Variants in EPB41L4A observed in about 807,000 individuals in gnomAD.
The protein encoded by EPB41L4A is band 4.1-like protein 4A.
A neutral mutation model predicts 108.6 loss-of-function variants in EPB41L4A; 100 were observed. The observed-to-expected ratio is 0.92, with a 90% CI of 0.78 to 1.09. The LOEUF (loss-of-function observed/expected upper bound fraction) is 1.09. Ranked by LOEUF, EPB41L4A falls within the 50% of genes least tolerant of loss-of-function variation. The probability of loss-of-function intolerance (pLI) is 0.00; values close to 1 mark genes in which losing one functional copy is unlikely to be tolerated. For synonymous variants in EPB41L4A, 319 were observed against 289.0 expected, an observed-to-expected ratio of 1.10 and a Z score of -1.05; for missense variants, 1,030 against 842.7, an observed-to-expected ratio of 1.22 and a Z score of -2.75.
chr5:112,230,549 G>A (rs184039378), intron 12 of EPB41L4A, among the ~76,000 whole-genome samples: 6 of 152,092 alleles, frequency 3.9e-5, no homozygotes, highest in Admixed American at 2.6e-4. Flanking sequence ...CTGTCTATTC[G>A]TGTCCTTTGC....
chr5:112,215,553 G>C (rs939789089), intron 12 of EPB41L4A, among the ~76,000 whole-genome samples: 2 of 152,070 alleles, frequency 1.3e-5, no homozygotes, highest in Non-Finnish European at 2.9e-5. Flanking sequence ...ATGAGGTCAG[G>C]AGATCGAGAC....
downstream of EPB41L4A, chr5:112,161,352 T>C: frequency 2.5e-6 from 1 of 403,242 alleles, no homozygotes; most frequent in East Asian, 6.0e-5. Flanking sequence ...CGCATTTCAC[T>C]TTTCATTATT....
intron 12 of EPB41L4A, 37 bp from the exon 13 acceptor site, chr5:112,210,019 G>T: frequency 8.1e-7 from 1 of 1,230,798 alleles, no homozygotes; most frequent in Non-Finnish European, 1.2e-6. Flanking sequence ...GAAGAGAGAG[G>T]AAACAGTGAT....
intron 1 of EPB41L4A, among the ~76,000 whole-genome samples, chr5:112,390,755 C>G (rs1352370731): frequency 6.6e-6 from 1 of 152,206 alleles, no homozygotes; most frequent in African/African-American, 2.4e-5. Context: ...CAAGTGGATC[C>G]CTGACCCCCA....
intron 1 of EPB41L4A, among the ~76,000 whole-genome samples, chr5:112,385,026 G>A (rs768652771): frequency 6.6e-6 from 1 of 152,160 alleles, no homozygotes; most frequent in Non-Finnish European, 1.5e-5. Flanking sequence ...AAGTAGCCCG[G>A]GTGACCCTTG....
At chr5:112,158,416 C>A (rs764376042), downstream of EPB41L4A, 1 of 436,058 alleles carries the variant, frequency 2.3e-6, no homozygotes, top group Non-Finnish European at 4.6e-6. Context: ...AATGAGGAAA[C>A]TCAGGCTCAC....
intron 4 of EPB41L4A, among the ~76,000 whole-genome samples, chr5:112,274,202 C>G (rs1189737580): frequency 6.6e-6 from 1 of 152,032 alleles, no homozygotes; most frequent in African/African-American, 2.4e-5. Flanking sequence ...ATTCTGTGAA[C>G]CCAGGAGTTT....
chr5:112,392,476 A>G (rs992579034), intron 1 of EPB41L4A, among the ~76,000 whole-genome samples: 8 of 151,762 alleles, frequency 5.3e-5, no homozygotes, highest in African/African-American at 1.9e-4. Context: ...ACCAACAAAG[A>G]TCAAAAGAAA....
intron 1 of EPB41L4A, among the ~76,000 whole-genome samples, chr5:112,401,191 T>A (rs1290002816): frequency 6.6e-6 from 1 of 152,112 alleles, no homozygotes; most frequent in Non-Finnish European, 1.5e-5. Context: ...AGAACCTGAG[T>A]AATAAAAAGT....
intron 18 of EPB41L4A, among the ~76,000 whole-genome samples, chr5:112,177,890 T>C (rs1358303599): frequency 1.3e-5 from 2 of 150,952 alleles, no homozygotes; most frequent in Admixed American, 6.6e-5. Flanking sequence ...CAAAATAAAG[T>C]AGGAAGGGAG....
intron 12 of EPB41L4A, among the ~76,000 whole-genome samples, chr5:112,149,603 G>A (rs913471725): frequency 6.6e-6 from 1 of 152,186 alleles, no homozygotes; most frequent in African/African-American, 2.4e-5. Context: ...TCTTAAACTG[G>A]ATAGTTTTTC....
chr5:112,232,113 CAA>C (rs1177398319), intron 12 of EPB41L4A, among the ~76,000 whole-genome samples: 5 of 87,948 alleles, frequency 5.7e-5, no homozygotes, highest in Non-Finnish European at 2.3e-5. Flanking sequence ...AACCTTGTCT[CAA>C]AAAAAAAAAA....
rs577094905 is a variant in EPB41L4A at position 112,284,092 on chromosome 5, C to T, written c.205-3769G>A. Among the ~76,000 whole-genome samples, 4 of 152,240 alleles carry T rather than the reference C, an allele frequency of 2.6e-5. No individual in the cohort carries two copies. In the East Asian group the frequency reaches 7.7e-4, roughly 29 times the overall value. ...TCTAAGTCCTTTACAATTGAACACCCTATTGAAGTCAGTGTTGCCTAACAG... is the reference window on the plus strand; with the variant it reads ...TCTAAGTCCTTTACAATTGAACACCTTATTGAAGTCAGTGTTGCCTAACAG... On this transcript the variant is annotated intron_variant, in intron 2 of 22. Transcript: ENST00000261486.
At chr5:112,249,774 C>T (rs910506651) in intron 9 of EPB41L4A, 3 of 152,168 alleles carry the variant, frequency 2.0e-5, no homozygotes, top group African/African-American at 7.2e-5. Flanking sequence ...TCTTACAACA[C>T]TAAGGTCTTG....
intron 1 of EPB41L4A, among the ~76,000 whole-genome samples, chr5:112,319,390 C>A (rs1266384320): frequency 6.6e-6 from 1 of 152,054 alleles, no homozygotes; most frequent in African/African-American, 2.4e-5. Context: ...AAAATGCCAA[C>A]TAATAAATGT....
At chr5:112,385,096 T>G (rs1157006981) in intron 1 of EPB41L4A, among the ~76,000 whole-genome samples, 2 of 152,120 alleles carry the variant, frequency 1.3e-5, no homozygotes, top group Non-Finnish European at 2.9e-5. Flanking sequence ...AGCAGAAGCC[T>G]CCTGCCACCA....
intron 11 of EPB41L4A, among the ~76,000 whole-genome samples, chr5:112,235,385 G>C (rs970500021): frequency 1.3e-5 from 2 of 152,180 alleles, no homozygotes; most frequent in African/African-American, 4.8e-5. Context: ...GGAATCATGT[G>C]ATTTAGTTTG....
At chr5:112,300,440 A>C (rs1302385190) in intron 2 of EPB41L4A, among the ~76,000 whole-genome samples, 1 of 152,136 alleles carries the variant, frequency 6.6e-6, no homozygotes, top group Non-Finnish European at 1.5e-5. Context: ...TTCTTGGCTG[A>C]TAATTGTTTT....
At chr5:112,231,511 C>T (rs1228994448) in intron 12 of EPB41L4A, among the ~76,000 whole-genome samples, 2 of 152,046 alleles carry the variant, frequency 1.3e-5, no homozygotes, top group Admixed American at 6.5e-5. Flanking sequence ...CCTGGCCGGG[C>T]GCGGTGGCTC....
Sources: allele counts gnomAD v4.1 joint callset (sites outside exome capture counted in the v4.1 genomes callset), GRCh38; gene constraint gnomAD v4.1.1; transcripts MANE v1.5; gene names NCBI Gene and HGNC (gene_info 2026-07-23, HGNC 2026-07-21).